The following ASTN2 variants were observed in gnomAD, a reference collection of about 807,000 sequenced individuals.
ASTN2 encodes astrotactin-2.
A neutral mutation model predicts 139.8 loss-of-function variants in ASTN2; 54 were observed. The ratio of observed to expected loss-of-function variants is 0.39; its 90% confidence interval spans 0.31 to 0.48. ASTN2 has a LOEUF of 0.48. Ranked by LOEUF, ASTN2 falls within the 20% of genes least tolerant of loss-of-function variation. ASTN2 has a pLI of 0.95. For missense variants in ASTN2, 1,565 were observed against 1,725.1 expected (o/e 0.91, Z 1.64); for synonymous variants, 756 against 719.5 (o/e 1.05, Z -0.81).
At chr9:116,834,793 A>C (rs2132290955) in intron 11 of ASTN2, among the ~76,000 whole-genome samples, 1 of 152,360 alleles carries the variant, frequency 6.6e-6, no homozygotes, top group Middle Eastern at 3.4e-3. Context: ...TATGCCCGTA[A>C]TCCCAGCACA....
intron 19 of ASTN2, among the ~76,000 whole-genome samples, chr9:116,516,189 T>C (rs1850641387): frequency 6.6e-6 from 1 of 152,152 alleles, no homozygotes; most frequent in Admixed American, 6.5e-5. Context: ...ACTTATCCTG[T>C]GTATTGCAGA....
chr9:116,893,788 G>T (rs3908486), intron 10 of ASTN2, among the ~76,000 whole-genome samples: 150,383 of 152,206 alleles, frequency 0.99, 74,322 homozygotes, highest in East Asian at 1. Context: ...CATACTTCCT[G>T]CTTCTTAGGT....
At chr9:116,775,984 A>G (rs1224534294) in intron 13 of ASTN2, among the ~76,000 whole-genome samples, 1 of 152,148 alleles carries the variant, frequency 6.6e-6, no homozygotes, top group Admixed American at 6.5e-5. Flanking sequence ...CAGCATCTCT[A>G]CGTATGATTG....
intron 10 of ASTN2, among the ~76,000 whole-genome samples, chr9:116,882,440 C>T (rs1380765042): frequency 1.3e-5 from 2 of 151,768 alleles, no homozygotes; most frequent in Non-Finnish European, 2.9e-5. Flanking sequence ...AGTGATGACA[C>T]TGAGAAAGAA....
At position 116,820,771 on chromosome 9, in the gene ASTN2, G is replaced by A. The variant is rs1461250807; in HGVS notation, c.2053C>T (p.Leu685=). The A allele has an allele frequency of 2.0e-5, 32 of 1,613,596 alleles. No homozygotes were observed. Among genetic ancestry groups the A allele is most frequent in the Non-Finnish European group, 2.6e-5 (31 of 1,179,746 alleles). ...DSSGCVCPEE[L]KPMKDGSGCY... is the part of the protein sequence containing the mutation. ...CCAGAGCCATCCTTCATGGGTTTCA[G>A]CTCCTCAGGGCACTGCTCAGAGAGA... Residue 685 remains leucine (L), a synonymous_variant, in exon 12 of 23, where the codon CTG becomes TTG. Coordinates refer to ENST00000313400, the MANE Select transcript of ASTN2 (RefSeq NM_001365068.1).
intron 6 of ASTN2, among the ~76,000 whole-genome samples, chr9:117,019,192 CAAA>C (rs1450576208): frequency 1.3e-5 from 2 of 151,138 alleles, no homozygotes; most frequent in African/African-American, 4.9e-5. Context: ...GAAAAAAAAA[CAAA>C]GAAGTCAGGG....
chr9:117,086,272 T>C (rs891935936), intron 5 of ASTN2, among the ~76,000 whole-genome samples: 4 of 152,102 alleles, frequency 2.6e-5, no homozygotes, highest in African/African-American at 9.7e-5. Flanking sequence ...AAGAGACACC[T>C]AGGATTAAAA....
At chr9:117,011,072 C>G (rs911759534) in intron 6 of ASTN2, among the ~76,000 whole-genome samples, 1 of 152,178 alleles carries the variant, frequency 6.6e-6, no homozygotes, top group Non-Finnish European at 1.5e-5. Flanking sequence ...ATGATGTCCA[C>G]TACAAGCTCT....
chr9:116,967,463 T>A (rs72755639), intron 10 of ASTN2, among the ~76,000 whole-genome samples: 7,760 of 152,034 alleles, frequency 0.051, 302 homozygotes, highest in East Asian at 0.19. Flanking sequence ...GAGTAATAGG[T>A]GAGAAAAGGA....
chr9:116,963,541 G>A (rs1010639006), intron 10 of ASTN2, among the ~76,000 whole-genome samples: 1 of 152,180 alleles, frequency 6.6e-6, no homozygotes, highest in African/African-American at 2.4e-5. Context: ...GTTGGATTGG[G>A]GATGTGCACA....
intron 3 of ASTN2, among the ~76,000 whole-genome samples, chr9:117,187,866 T>G (rs1409089820): frequency 1.3e-5 from 2 of 152,200 alleles, no homozygotes; most frequent in African/African-American, 4.8e-5. Context: ...ATCTGTGTAG[T>G]ATGTTACAGT....
At chr9:117,022,705 T>G (rs2132618172) in intron 6 of ASTN2, among the ~76,000 whole-genome samples, 1 of 152,234 alleles carries the variant, frequency 6.6e-6, no homozygotes, top group Non-Finnish European at 1.5e-5. Flanking sequence ...TCAAGGTGCT[T>G]AGTAAAATGG....
intron 1 of ASTN2, among the ~76,000 whole-genome samples, chr9:117,351,925 C>T (rs905258965): frequency 6.6e-6 from 1 of 152,152 alleles, no homozygotes; most frequent in Non-Finnish European, 1.5e-5. Context: ...CTTTTAGTCA[C>T]GTGAGTTTAT....
chr9:116,822,085 C>A (rs965692214), intron 11 of ASTN2, among the ~76,000 whole-genome samples: 1 of 151,992 alleles, frequency 6.6e-6, no homozygotes, highest in Non-Finnish European at 1.5e-5. Context: ...GCCTTCCCAC[C>A]ATGAGACCCC....
intron 7 of ASTN2, among the ~76,000 whole-genome samples, chr9:116,991,551 A>G (rs1358659358): frequency 3.3e-5 from 5 of 151,954 alleles, no homozygotes; most frequent in African/African-American, 1.2e-4. Context: ...AATCGTCACA[A>G]TAACTTACCA....
At chr9:116,944,723 T>G (rs1835338828) in intron 10 of ASTN2, among the ~76,000 whole-genome samples, 1 of 143,452 alleles carries the variant, frequency 7.0e-6, no homozygotes, top group African/African-American at 2.6e-5. Context: ...AAGATATGAA[T>G]GTACATAGTA....
chr9:117,047,899 C>A (rs181981340), intron 5 of ASTN2, among the ~76,000 whole-genome samples: 1 of 152,196 alleles, frequency 6.6e-6, no homozygotes, highest in East Asian at 1.9e-4. Flanking sequence ...AACATAGCCA[C>A]TAACTTAGGT....
intron 22 of ASTN2, among the ~76,000 whole-genome samples, chr9:116,428,601 A>G (rs917494609): frequency 6.6e-5 from 10 of 152,156 alleles, no homozygotes; most frequent in Non-Finnish European, 1.3e-4. Context: ...GCTACAATAC[A>G]GTGTACTAGT....
chr9:117,043,646 C>T (rs773785484), intron 5 of ASTN2, among the ~76,000 whole-genome samples: 11 of 152,154 alleles, frequency 7.2e-5, no homozygotes, highest in Non-Finnish European at 1.0e-4. Flanking sequence ...CAGTGGCTCA[C>T]GCCTATAATC....
Sources: gnomAD v4.1 joint callset for allele counts (sites outside exome capture counted in the v4.1 genomes callset) on GRCh38, gnomAD v4.1.1 for gene constraint, MANE v1.5 for transcripts, NCBI Gene and HGNC (gene_info 2026-07-23, HGNC 2026-07-21) for gene names.